Variants in AGBL4 observed in about 807,000 individuals in gnomAD.
The protein encoded by AGBL4 is AGBL carboxypeptidase 4.
A neutral mutation model predicts 66.4 loss-of-function variants in AGBL4; 58 were observed. That is an observed-to-expected ratio of 0.87 (90% CI 0.71 to 1.09). The LOEUF (loss-of-function observed/expected upper bound fraction) is 1.09, where lower values mean the gene tolerates loss of function less well. Ranked by LOEUF, AGBL4 falls within the 50% of genes least tolerant of loss-of-function variation. The probability of loss-of-function intolerance (pLI) is 0.00; values close to 1 mark genes in which losing one functional copy is unlikely to be tolerated. For synonymous variants in AGBL4, 234 were observed against 222.9 expected (o/e 1.05, Z -0.44); for missense variants, 579 against 631.0 (o/e 0.92, Z 0.88).
rs190103940 is a variant in AGBL4, at chr1:48,599,162, A to G, written c.952-8177T>C. Among the ~76,000 whole-genome samples, 65 of 152,298 alleles carry G rather than the reference A, an allele frequency of 4.3e-4. No individual in the cohort carries two copies. In the East Asian group the frequency reaches 0.011, roughly 27 times the overall value. ...CATGAAGCTGTCATCTCCTATGATA[A>G]CAATCCCTTCTCGTGGAACACTTCC... On this transcript the variant is annotated intron_variant, in intron 9 of 13. Coordinates refer to ENST00000371839, the MANE Select transcript of AGBL4 (RefSeq NM_032785.4).
intron 3 of AGBL4, among the ~76,000 whole-genome samples, chr1:49,473,187 T>G (rs1194277554): frequency 6.6e-6 from 1 of 152,064 alleles, no homozygotes; most frequent in African/African-American, 2.4e-5. Context: ...GATTCCTAAG[T>G]CGAATGACTG....
At chr1:49,882,910 T>C (rs1647559752) in intron 1 of AGBL4, among the ~76,000 whole-genome samples, 1 of 152,134 alleles carries the variant, frequency 6.6e-6, no homozygotes, top group Non-Finnish European at 1.5e-5. Context: ...TGGAGAGTCC[T>C]ATACAACTTC....
At chr1:48,772,650 C>A (rs1280898845) in intron 6 of AGBL4, among the ~76,000 whole-genome samples, 1 of 152,092 alleles carries the variant, frequency 6.6e-6, no homozygotes, top group African/African-American at 2.4e-5. Context: ...TAGGGAGCTA[C>A]AGAAGGTTCT....
At position 49,953,256 on chromosome 1, in the gene AGBL4, A is replaced by G. The variant is rs1656313193; in HGVS notation, c.34+70507T>C. Among the ~76,000 whole-genome samples, 3 of 151,924 alleles carry G rather than the reference A, an allele frequency of 2.0e-5. No individual in the cohort carries two copies. In the South Asian group the frequency reaches 6.2e-4, roughly 31 times the overall value. On this transcript the variant is annotated intron_variant, in intron 1 of 13. Coordinates refer to ENST00000371839, the MANE Select transcript of AGBL4 (RefSeq NM_032785.4). ...AAAATCTGTTTACACTTCATTGATC[A>G]TATCATTTCCTAATATTTCCAAGAT...
At chr1:48,848,606 C>T (rs568381960) in intron 6 of AGBL4, among the ~76,000 whole-genome samples, 3 of 152,148 alleles carry the variant, frequency 2.0e-5, no homozygotes, top group Admixed American at 6.5e-5. Flanking sequence ...GCATTGAAAT[C>T]GATACCTGCA....
At chr1:48,830,715 C>T (rs935857978) in intron 6 of AGBL4, among the ~76,000 whole-genome samples, 2 of 152,152 alleles carry the variant, frequency 1.3e-5, no homozygotes, top group African/African-American at 4.8e-5. Flanking sequence ...AGTCACTGAG[C>T]TAATCAATAA....
intron 5 of AGBL4, among the ~76,000 whole-genome samples, chr1:49,036,391 A>G (rs1432890901): frequency 6.6e-6 from 1 of 152,106 alleles, no homozygotes; most frequent in African/African-American, 2.4e-5. Flanking sequence ...GCATTTTAAG[A>G]AGAAAATAAC....
chr1:48,928,178 G>T (rs1361270871), intron 5 of AGBL4, among the ~76,000 whole-genome samples: 1 of 152,190 alleles, frequency 6.6e-6, no homozygotes, highest in Non-Finnish European at 1.5e-5. Flanking sequence ...TCAGCACACT[G>T]CTAGAAGGAA....
rs1450930792 is a variant in AGBL4, at chr1:48,533,650, AC to A, written c.*522del. 1.2e-5 allele frequency: 2 copies of A among 161,324 alleles called. No homozygotes were observed. The highest frequency in any genetic ancestry group is 2.7e-5 in the Non-Finnish European group (2 of 74,418). 10.0% of individuals were successfully genotyped at this position (161,324 alleles called of 1,614,324 possible). On this transcript the variant is annotated 3_prime_UTR_variant, in exon 14 of 14. Transcript: ENST00000371839. ...ATACAGTGACCATATATTTAAGTCC[AC>A]CGTTGATTTCAAAAATTCTGTCCCA...
At chr1:49,859,004 T>C (rs1646500411) in intron 1 of AGBL4, among the ~76,000 whole-genome samples, 1 of 149,580 alleles carries the variant, frequency 6.7e-6, no homozygotes, top group Non-Finnish European at 1.5e-5. Context: ...TAAGACTCTA[T>C]CTCAAAAGAA....
chr1:49,443,219 A>G (rs1009105412), intron 3 of AGBL4, among the ~76,000 whole-genome samples: 3 of 152,028 alleles, frequency 2.0e-5, no homozygotes, highest in Non-Finnish European at 2.9e-5. Flanking sequence ...CTGTTCAGCA[A>G]GTTGTCTCTT....
chr1:49,696,679 C>CT (rs1424624446), intron 3 of AGBL4, among the ~76,000 whole-genome samples: 1 of 151,690 alleles, frequency 6.6e-6, no homozygotes, highest in Admixed American at 6.6e-5. Context: ...ATTTCAAAAT[C>CT]TGAAAAAAAA....
At chr1:49,433,199 G>A (rs1488039402) in intron 3 of AGBL4, among the ~76,000 whole-genome samples, 1 of 152,072 alleles carries the variant, frequency 6.6e-6, no homozygotes, top group African/African-American at 2.4e-5. Context: ...AGTTTTGTGA[G>A]CCACTCTAGG....
chr1:49,983,883 GA>G (rs763266707), intron 1 of AGBL4, among the ~76,000 whole-genome samples: 2 of 152,148 alleles, frequency 1.3e-5, no homozygotes, highest in Non-Finnish European at 2.9e-5. Context: ...GGAGACCCCA[GA>G]AAAACCTTAA....
At chr1:49,741,531 T>C (rs1650470102) in intron 2 of AGBL4, among the ~76,000 whole-genome samples, 1 of 152,096 alleles carries the variant, frequency 6.6e-6, no homozygotes, top group African/African-American at 2.4e-5. Context: ...AAGGAGGGAA[T>C]CCTCCCTAAC....
intron 1 of AGBL4, among the ~76,000 whole-genome samples, chr1:49,941,881 C>T (rs546448226): frequency 6.6e-6 from 1 of 151,938 alleles, no homozygotes; most frequent in East Asian, 1.9e-4. Context: ...CAGTACAAGC[C>T]AGAGTAATTA....
chr1:49,760,380 T>C (rs1652215380), intron 2 of AGBL4, among the ~76,000 whole-genome samples: 1 of 152,140 alleles, frequency 6.6e-6, no homozygotes, highest in African/African-American at 2.4e-5. Flanking sequence ...CATGCCTATG[T>C]CCTGAATGGT....
At chr1:49,280,113 C>G (rs182734540) in intron 3 of AGBL4, among the ~76,000 whole-genome samples, 2 of 152,158 alleles carry the variant, frequency 1.3e-5, no homozygotes, top group Admixed American at 1.3e-4. Flanking sequence ...TTGGACCTGC[C>G]AGCTACTACT....
chr1:49,708,110 T>C (rs960671507), intron 2 of AGBL4, among the ~76,000 whole-genome samples: 1 of 152,170 alleles, frequency 6.6e-6, no homozygotes, highest in Admixed American at 6.6e-5. Context: ...TTTCACTAGG[T>C]TGGGGACGTT....
Sources: allele counts gnomAD v4.1 joint callset (sites outside exome capture counted in the v4.1 genomes callset), GRCh38; gene constraint gnomAD v4.1.1; transcripts MANE v1.5; gene names NCBI Gene and HGNC (gene_info 2026-07-23, HGNC 2026-07-21).